Variants in FAM114A1 observed in about 807,000 individuals in gnomAD.
FAM114A1 encodes the protein protein NOXP20.
In FAM114A1, 62 loss-of-function variants were observed where a neutral mutation model predicts 64.3. The ratio of observed to expected loss-of-function variants is 0.96; its 90% CI spans 0.79 to 1.19. FAM114A1 has a LOEUF of 1.19. Among genes scored for constraint, FAM114A1 ranks in the 50% most tolerant of loss-of-function variants. The probability of loss-of-function intolerance (pLI) is 0.00; values close to 1 mark genes in which losing one functional copy is unlikely to be tolerated. For synonymous variants in FAM114A1, 254 were observed against 251.1 expected, an observed-to-expected ratio of 1.01 and a Z score of -0.11; for missense variants, 645 against 676.3, an observed-to-expected ratio of 0.95 and a Z score of 0.51.
At chr4:38,903,834 A>G (rs1353470064) in intron 4 of FAM114A1, among the ~76,000 whole-genome samples, 1 of 152,198 alleles carries the variant, frequency 6.6e-6, no homozygotes, top group African/African-American at 2.4e-5. Flanking sequence ...GTTGTAAATA[A>G]TGTTTACATT....
chr4:38,935,355 A>G (rs1034518615), intron 12 of FAM114A1, among the ~76,000 whole-genome samples: 1 of 152,236 alleles, frequency 6.6e-6, no homozygotes, highest in Non-Finnish European at 1.5e-5. Flanking sequence ...GCTCATGATT[A>G]TTTTGAAATG....
intron 4 of FAM114A1, among the ~76,000 whole-genome samples, chr4:38,900,181 AT>A (rs1253187892): frequency 6.6e-6 from 1 of 151,930 alleles, no homozygotes; most frequent in Non-Finnish European, 1.5e-5. Flanking sequence ...CGTTTTGAAA[AT>A]TTTTTTACCA....
At chr4:38,878,044 A>C (rs747449785) in intron 2 of FAM114A1, 27 bp from the exon 3 acceptor site, 2 of 1,527,030 alleles carry the variant, frequency 1.3e-6, no homozygotes, top group Non-Finnish European at 1.8e-6. Context: ...CGATGAAAGC[A>C]TGAGGTGTTT....
intron 4 of FAM114A1, among the ~76,000 whole-genome samples, chr4:38,901,149 C>T (rs1717475706): frequency 6.6e-6 from 1 of 152,176 alleles, no homozygotes; most frequent in Non-Finnish European, 1.5e-5. Flanking sequence ...AGCGTGGGCC[C>T]TTCTCGTGAT....
At chr4:38,924,473 G>A (rs903257188) in intron 9 of FAM114A1, among the ~76,000 whole-genome samples, 1 of 152,178 alleles carries the variant, frequency 6.6e-6, no homozygotes, top group Non-Finnish European at 1.5e-5. Flanking sequence ...TCAAATGCTT[G>A]AGCCTTGATG....
At chr4:38,873,021 C>T (rs1433345018) in intron 2 of FAM114A1, among the ~76,000 whole-genome samples, 3 of 152,192 alleles carry the variant, frequency 2.0e-5, no homozygotes, top group Non-Finnish European at 2.9e-5. Context: ...TTTTTAGCAG[C>T]CCCCATCAAT....
At chr4:38,890,950 C>G (rs1486315767) in intron 3 of FAM114A1, among the ~76,000 whole-genome samples, 2 of 152,188 alleles carry the variant, frequency 1.3e-5, no homozygotes. Context: ...ATCCAAACAG[C>G]AGCTCTAAGC....
intron 4 of FAM114A1, 99 bp from the exon 5 acceptor site, chr4:38,905,423 G>T: frequency 1.4e-5 from 11 of 808,926 alleles, no homozygotes; most frequent in South Asian, 1.7e-5. Flanking sequence ...AAAGAAAGAT[G>T]TACTTCTGCA....
intron 9 of FAM114A1, among the ~76,000 whole-genome samples, chr4:38,923,811 T>A (rs9997700): frequency 1.3e-5 from 2 of 150,750 alleles, no homozygotes; most frequent in Non-Finnish European, 2.9e-5. Flanking sequence ...TCAAGGAGAT[T>A]AGAACTTATT....
At chr4:38,935,059 C>A (rs1270919227) in intron 12 of FAM114A1, among the ~76,000 whole-genome samples, 1 of 152,032 alleles carries the variant, frequency 6.6e-6, no homozygotes, top group African/African-American at 2.4e-5. Context: ...AGATTACAGG[C>A]GCCTGCCACC....
At chr4:38,926,206 T>G (rs1337061488) in intron 9 of FAM114A1, among the ~76,000 whole-genome samples, 2 of 152,220 alleles carry the variant, frequency 1.3e-5, no homozygotes, top group Admixed American at 1.3e-4. Flanking sequence ...AACTACCAGA[T>G]GCAGGAGCTG....
chr4:38,878,566 A>T (rs1714908190), intron 3 of FAM114A1, 140 bp downstream of exon 3: 31 of 517,522 alleles, frequency 6.0e-5, no homozygotes, highest in Non-Finnish European at 9.6e-5. Flanking sequence ...AGAAATGTGT[A>T]GTGAGATTAG....
chr4:38,939,886 CT>C lies in FAM114A1; in HGVS notation c.1537-1064del, dbSNP rs545845095. Among the ~76,000 whole-genome samples, 530 of 131,630 alleles carry C rather than the reference CT, an allele frequency of 4.0e-3. 2 individuals carry two copies. Among genetic ancestry groups the C allele is most frequent in the African/African-American group, 7.9e-3 (275 of 34,668 alleles). The allele number at this position is 131,630 out of a possible 152,430, so 86.4% of individuals were successfully genotyped here. ...ACCAACTCTGCCTTTCACTTTCTTT[CT>C]TTTTTTTTTTTTTTTTTGTTAGACG... On this transcript the variant is annotated intron_variant, in intron 13 of 14. Coordinates refer to ENST00000358869, the MANE Select transcript of FAM114A1 (RefSeq NM_138389.4).
chr4:38,923,627 C>T (rs574102546), intron 9 of FAM114A1, among the ~76,000 whole-genome samples: 1 of 152,178 alleles, frequency 6.6e-6, no homozygotes, highest in Admixed American at 6.5e-5. Context: ...TTTTCTTATT[C>T]CTTTTAATTT....
chr4:38,904,713 A>G (rs1391201678), intron 4 of FAM114A1, among the ~76,000 whole-genome samples: 3 of 152,266 alleles, frequency 2.0e-5, no homozygotes, highest in African/African-American at 7.2e-5. Context: ...TCTGAGGCTC[A>G]GGTGATTTCA....
At chr4:38,871,077 T>C (rs975197925) in intron 2 of FAM114A1, among the ~76,000 whole-genome samples, 1 of 145,840 alleles carries the variant, frequency 6.9e-6, no homozygotes, top group African/African-American at 2.6e-5. Flanking sequence ...GGCTTTCTTT[T>C]TTTTCTTTCT....
rs1049124885 is a variant in FAM114A1, at chr4:38,943,621, A to G, written c.*64A>G. Reference sequence around the variant, plus strand: ...CGCCTTGCCTCAATATGTACCATTTAAGGGGATGTTCTCTGTGCGCCTGGC... The same window carrying G: ...CGCCTTGCCTCAATATGTACCATTTGAGGGGATGTTCTCTGTGCGCCTGGC... On this transcript the variant is annotated 3_prime_UTR_variant, in exon 15 of 15. Transcript: ENST00000358869. 2.1e-6 allele frequency: 3 copies of G among 1,403,370 alleles called. No individual in the cohort carries two copies. Among genetic ancestry groups the G allele is most frequent in the African/African-American group, 1.4e-5 (1 of 70,956 alleles). 86.9% of individuals were successfully genotyped at this position (1,403,370 alleles called of 1,614,324 possible). A position where few individuals can be genotyped will look rare whatever the true frequency, so the allele number is the denominator to read the frequency against.
chr4:38,878,290 A>G lies in FAM114A1; in HGVS notation c.212A>G (p.Gln71Arg). The change falls in exon 3 of 15, where the codon CAG (glutamine) becomes CGG (arginine). Residue 71 changes from glutamine (Q) to arginine (R), a missense_variant. Physicochemically the swap from Gln to Arg is conservative, Grantham distance 43. Coordinates refer to ENST00000358869, the MANE Select transcript of FAM114A1 (RefSeq NM_138389.4). ...GCTGCCGCCATTGGGCCCCCTGTGC[A>G]GCCTCAGGATGCCAACGCCCTGGAG... ...AGAAAIGPPV[Q>R]PQDANALEPP... The G allele has an allele frequency of 6.2e-7, 1 of 1,614,246 alleles. No homozygotes were observed. The highest frequency in any genetic ancestry group is 1.1e-5 in the South Asian group (1 of 91,088).
chr4:38,937,295 G>A (rs1251859824), intron 13 of FAM114A1, among the ~76,000 whole-genome samples: 1 of 152,144 alleles, frequency 6.6e-6, no homozygotes, highest in Admixed American at 6.5e-5. Context: ...TCTCTCCAAA[G>A]CCTCTAGGAT....
Sources: allele counts gnomAD v4.1 joint callset (sites outside exome capture counted in the v4.1 genomes callset), GRCh38; gene constraint gnomAD v4.1.1; transcripts MANE v1.5; gene names NCBI Gene and HGNC (gene_info 2026-07-23, HGNC 2026-07-21).